FRY: variants seen among roughly 807,000 people sequenced by gnomAD.
The protein encoded by FRY is FRY microtubule binding protein.
In FRY, 128 loss-of-function variants were observed where a neutral mutation model predicts 348.4. The observed-to-expected ratio is 0.37, with a 90% CI of 0.32 to 0.43. The LOEUF (loss-of-function observed/expected upper bound fraction) is 0.43, where lower values mean the gene tolerates loss of function less well. Ranked by LOEUF, FRY falls within the 20% of genes least tolerant of loss-of-function variation. FRY has a pLI of 1.00. For synonymous variants in FRY, 1,370 were observed against 1,374.7 expected (o/e 1.00, Z 0.08); for missense variants, 2,736 against 3,695.2 (o/e 0.74, Z 6.73).
intron 1 of FRY, among the ~76,000 whole-genome samples, chr13:32,047,703 T>C (rs1873102634): frequency 6.6e-6 from 1 of 151,016 alleles, no homozygotes; most frequent in Non-Finnish European, 1.5e-5. Context: ...CCCAAGTAGC[T>C]GGGATTATAG....
chr13:32,170,953 A>G, intron 17 of FRY, 59 bp from the exon 18 acceptor site: 1 of 1,196,824 alleles, frequency 8.4e-7, no homozygotes, highest in Admixed American at 1.7e-5. Context: ...AATCCTTGTT[A>G]GCTCTAGAAG....
At chr13:32,281,981 G>A (rs140423205) in intron 58 of FRY, among the ~76,000 whole-genome samples, 24 of 152,216 alleles carry the variant, frequency 1.6e-4, no homozygotes, top group Admixed American at 4.6e-4. Flanking sequence ...AGGCAGCCTC[G>A]GTTCCCATCA....
At position 32,079,033 on chromosome 13, in the gene FRY, G is replaced by A. The variant is rs1445127098; in HGVS notation, c.270G>A (p.Leu90=). The A allele has an allele frequency of 2.5e-6, 4 of 1,607,116 alleles. No individual in the cohort carries two copies. The highest frequency in any genetic ancestry group is 3.4e-6 in the Non-Finnish European group (4 of 1,173,776). The part of the protein sequence containing the change: ...RKIRIIMAEP[L]EKPLTKSLQR... ...TTCGTATCATTATGGCAGAGCCCCT[G>A]GTGAGTACATGCCGTGGAAACTGCC... The change falls in exon 2 of 61, where the codon CTG becomes CTA. Residue 90 remains leucine, a splice_region_variant and synonymous_variant. Transcript: ENST00000542859.
chr13:32,149,267 A>T lies in FRY; in HGVS notation c.1393-481A>T, dbSNP rs1880651892. Among the ~76,000 whole-genome samples the T allele has an allele frequency of 2.0e-5, 3 of 151,272 alleles. No individual in the cohort carries two copies. In the South Asian group the frequency reaches 6.2e-4, roughly 31 times the overall value. ...ATATTAAGTAACCTTAATATATCTT[A>T]TGTGTTGATTACATGTCTCACATGC... On this transcript the variant is annotated intron_variant, in intron 13 of 60. Coordinates refer to ENST00000542859, the MANE Select transcript of FRY (RefSeq NM_023037.3).
chr13:32,189,992 G>T (rs1185476062), intron 28 of FRY, among the ~76,000 whole-genome samples: 1 of 151,876 alleles, frequency 6.6e-6, no homozygotes, highest in African/African-American at 2.4e-5. Flanking sequence ...TGTAAGGTTG[G>T]TTAATATTCA....
At position 32,230,796 on chromosome 13, in the gene FRY, T is replaced by G. The variant is rs1293720235; in HGVS notation, c.5406-383T>G. ...ACCAACAGTGTAAAAGCCTTCCTTTTTCTCCACAACCTTGCCAGCGTCTAT... is the reference window on the plus strand; with the variant it reads ...ACCAACAGTGTAAAAGCCTTCCTTTGTCTCCACAACCTTGCCAGCGTCTAT... On this transcript the variant is annotated intron_variant, in intron 40 of 60. Coordinates refer to ENST00000542859, the MANE Select transcript of FRY (RefSeq NM_023037.3). 3.9e-5 allele frequency among the ~76,000 whole-genome samples: 6 copies of G among 152,370 alleles called. No individual in the cohort carries two copies. In the South Asian group the frequency reaches 8.3e-4, roughly 21 times the overall value.
intron 2 of FRY, among the ~76,000 whole-genome samples, chr13:32,088,376 A>C (rs940484709): frequency 3.9e-5 from 6 of 152,350 alleles, no homozygotes; most frequent in East Asian, 1.9e-4. Context: ...ATTATAAATA[A>C]ATAACTTTTA....
chr13:32,234,898 A>G (rs1175163606), intron 42 of FRY, 137 bp downstream of exon 42: 5 of 716,646 alleles, frequency 7.0e-6, no homozygotes, highest in Non-Finnish European at 9.3e-6. Context: ...TTTCAATTTT[A>G]GAGGTTGACT....
At chr13:32,218,706 C>A in intron 35 of FRY, 43 bp from the exon 36 acceptor site, 1 of 1,078,148 alleles carries the variant, frequency 9.3e-7, no homozygotes, top group South Asian at 1.3e-5. Flanking sequence ...AGCGCATATG[C>A]ACACATGTTA....
intron 8 of FRY, 43 bp downstream of exon 8, chr13:32,131,883 C>T: frequency 6.9e-7 from 1 of 1,446,614 alleles, no homozygotes; most frequent in Non-Finnish European, 9.7e-7. Flanking sequence ...TCAACTTGAG[C>T]ACTTCCCTTC....
chr13:32,207,909 T>A (rs1884447106), intron 31 of FRY, among the ~76,000 whole-genome samples: 1 of 152,144 alleles, frequency 6.6e-6, no homozygotes, highest in African/African-American at 2.4e-5. Flanking sequence ...CTTTCTAATT[T>A]CCCTGAGGAT....
rs71071026 is a variant in FRY at position 32,171,304 on chromosome 13, CTTTTTT to C, written c.2151+56_2151+61del. 4.7e-3 allele frequency: 2,522 copies of C among 531,528 alleles called. 1 individual carries two copies. The highest frequency in any genetic ancestry group is 9.2e-3 in the East Asian group (176 of 19,186). 32.9% of individuals were successfully genotyped at this position (531,528 alleles called of 1,614,324 possible). A position where few individuals can be genotyped will look rare whatever the true frequency, so the allele number is the denominator to read the frequency against. ...CACACCTTACCCATGAATTTATATT[CTTTTTT>C]TTTTTTTTTTTTTTTTTTTTTGAGA... is the stretch of plus-strand genomic sequence containing the variant. On this transcript the variant is annotated intron_variant, in intron 18 of 60. Transcript: ENST00000542859.
At chr13:32,284,474 C>A (rs1173202384) in intron 58 of FRY, among the ~76,000 whole-genome samples, 1 of 152,172 alleles carries the variant, frequency 6.6e-6, no homozygotes, top group Non-Finnish European at 1.5e-5. Context: ...TATTCTTTCT[C>A]ATATTGGCTA....
rs1480425377 is a variant in FRY at position 32,063,980 on chromosome 13, G to A, written c.71-14854G>A. ...CTTAAAGCAGTTAAGTATTTGTTGA[G>A]TACTTGATATTAAGCCTAGTACTGT... On this transcript the variant is annotated intron_variant, in intron 1 of 60. Coordinates refer to ENST00000542859, the MANE Select transcript of FRY (RefSeq NM_023037.3). 3.9e-5 allele frequency among the ~76,000 whole-genome samples: 6 copies of A among 152,170 alleles called. No homozygotes were observed. The East Asian group carries it at 7.7e-4, about 20-fold the overall frequency.
intron 8 of FRY, among the ~76,000 whole-genome samples, chr13:32,132,394 T>A (rs1879425665): frequency 6.6e-6 from 1 of 152,102 alleles, no homozygotes; most frequent in Non-Finnish European, 1.5e-5. Context: ...AAGGAATTTT[T>A]AAAATGCTGC....
intron 31 of FRY, 70 bp from the exon 32 acceptor site, chr13:32,208,783 G>A (rs1161848096): frequency 6.4e-7 from 1 of 1,566,166 alleles, no homozygotes; most frequent in Non-Finnish European, 8.8e-7. Flanking sequence ...CTGCAAGTTG[G>A]CATTTGAATT....
chr13:32,245,805 T>C (rs369524437), intron 47 of FRY, among the ~76,000 whole-genome samples: 58 of 152,324 alleles, frequency 3.8e-4, no homozygotes, highest in East Asian at 2.3e-3. Context: ...CTCTATATTG[T>C]ATTTGTCTAT....
intron 59 of FRY, among the ~76,000 whole-genome samples, chr13:32,294,063 T>G (rs143552404): frequency 6.6e-6 from 1 of 152,300 alleles, no homozygotes; most frequent in East Asian, 1.9e-4. Flanking sequence ...TTGAGCCTGA[T>G]CTCTTGTACT....
intron 20 of FRY, among the ~76,000 whole-genome samples, chr13:32,177,034 G>A (rs1566112674): frequency 6.6e-6 from 1 of 152,078 alleles, no homozygotes; most frequent in Non-Finnish European, 1.5e-5. Context: ...TGACCATTGA[G>A]GCCACAATTA....
Sources: allele counts gnomAD v4.1 joint callset (sites outside exome capture counted in the v4.1 genomes callset), GRCh38; gene constraint gnomAD v4.1.1; transcripts MANE v1.5; gene names NCBI Gene and HGNC (gene_info 2026-07-23, HGNC 2026-07-21).